The following CAP2 variants were observed in gnomAD, a reference collection of about 807,000 sequenced individuals.
CAP2 encodes cyclase associated actin cytoskeleton regulatory protein 2, also known as adenylyl cyclase-associated protein 2.
CAP2 carries 24 observed loss-of-function variants against 57.7 expected under a neutral mutation model. The ratio of observed to expected loss-of-function variants is 0.42; its 90% CI spans 0.30 to 0.58. CAP2 has a LOEUF of 0.58. Ranked by LOEUF, CAP2 falls within the 20% of genes least tolerant of loss-of-function variation. The pLI is 0.22. For missense variants in CAP2, 501 were observed against 590.3 expected (o/e 0.85, Z 1.57); for synonymous variants, 194 against 207.2 (o/e 0.94, Z 0.55).
rs1762251257 is a variant in CAP2, at chr6:17,515,312, A to G, written c.636+1358A>G. On this transcript the variant is annotated intron_variant, in intron 7 of 12. Coordinates refer to ENST00000229922, the MANE Select transcript of CAP2 (RefSeq NM_006366.3). ...ACAAAATCATGTCCTTTGCAGCAAC[A>G]TGGAAGCTGCTAGAGACCACTATCC... Among the ~76,000 whole-genome samples the G allele has an allele frequency of 2.0e-5, 3 of 152,208 alleles. 1 individual carries two copies. Among genetic ancestry groups the G allele is most frequent in the South Asian group, 4.1e-4 (2 of 4,836 alleles).
intron 4 of CAP2, among the ~76,000 whole-genome samples, chr6:17,466,617 T>C (rs181836037): frequency 6.6e-6 from 1 of 152,342 alleles, no homozygotes; most frequent in African/African-American, 2.4e-5. Flanking sequence ...TCTGATTCAG[T>C]TGGTCTCAAG....
intron 11 of CAP2, among the ~76,000 whole-genome samples, chr6:17,543,624 C>CAAAAAA (rs66747239): frequency 6.0e-5 from 5 of 83,912 alleles, no homozygotes; most frequent in South Asian, 8.2e-4. Flanking sequence ...GACTCCATCT[C>CAAAAAA]AAAAAAAAAA....
chr6:17,553,107 CTT>C (rs1455885797), intron 12 of CAP2, among the ~76,000 whole-genome samples: 2 of 152,176 alleles, frequency 1.3e-5, no homozygotes, highest in Non-Finnish European at 2.9e-5. Context: ...GAGCCCTGGC[CTT>C]TGCAGCTGTT....
intron 1 of CAP2, among the ~76,000 whole-genome samples, chr6:17,417,358 C>T (rs1302999166): frequency 2.0e-5 from 3 of 150,990 alleles, no homozygotes; most frequent in African/African-American, 4.9e-5. Flanking sequence ...TCACTGCAGC[C>T]TCGACCTCCC....
intron 7 of CAP2, among the ~76,000 whole-genome samples, chr6:17,535,025 A>T (rs1762739179): frequency 6.6e-6 from 1 of 152,124 alleles, no homozygotes; most frequent in Non-Finnish European, 1.5e-5. Flanking sequence ...ATCCAGGGTG[A>T]CTTAATTGTC....
intron 7 of CAP2, among the ~76,000 whole-genome samples, chr6:17,532,748 A>C (rs929353940): frequency 2.8e-5 from 4 of 143,584 alleles, no homozygotes; most frequent in Admixed American, 7.0e-5. Flanking sequence ...ACTAAAAAAA[A>C]AAACACACAC....
chr6:17,483,374 A>G (rs1217539970), intron 4 of CAP2, among the ~76,000 whole-genome samples: 1 of 151,982 alleles, frequency 6.6e-6, no homozygotes, highest in East Asian at 1.9e-4. Context: ...TTTTGTGGAC[A>G]GTCATATGAA....
At chr6:17,424,888 C>T (rs75021798) in intron 2 of CAP2, among the ~76,000 whole-genome samples, 2 of 152,222 alleles carry the variant, frequency 1.3e-5, no homozygotes, top group Admixed American at 6.5e-5. Context: ...GATCCCCGCT[C>T]GGGCCTCTTC....
At chr6:17,478,001 TAATATATATA>T (rs1761194079) in intron 4 of CAP2, among the ~76,000 whole-genome samples, 1 of 148,006 alleles carries the variant, frequency 6.8e-6, no homozygotes, top group African/African-American at 2.5e-5. Context: ...GAAATATATA[TAATATATATA>T]AATATATTAA....
At chr6:17,431,132 T>C (rs953206955) in intron 3 of CAP2, among the ~76,000 whole-genome samples, 3 of 151,836 alleles carry the variant, frequency 2.0e-5, no homozygotes, top group Non-Finnish European at 2.9e-5. Context: ...AAGGGGACAA[T>C]AGACAGTGGG....
At chr6:17,426,552 C>T in intron 2 of CAP2, 38 bp from the exon 3 acceptor site, 5 of 1,494,950 alleles carry the variant, frequency 3.3e-6, no homozygotes, top group Non-Finnish European at 4.7e-6. Flanking sequence ...GGTTTTCATT[C>T]AACGGCCAGG....
At chr6:17,487,269 A>C (rs913030044) in intron 4 of CAP2, among the ~76,000 whole-genome samples, 1 of 151,908 alleles carries the variant, frequency 6.6e-6, no homozygotes, top group Non-Finnish European at 1.5e-5. Flanking sequence ...AACACTCCCA[A>C]TTGGTATCTG....
At chr6:17,520,284 T>A (rs1366124227) in intron 7 of CAP2, among the ~76,000 whole-genome samples, 2 of 151,984 alleles carry the variant, frequency 1.3e-5, no homozygotes, top group East Asian at 1.9e-4. Context: ...ATTTTTATAT[T>A]TTTTTTGTAG....
In CAP2 at chr6:17,556,725, A is replaced by C; in HGVS notation, c.*283A>C. On this transcript the variant is annotated 3_prime_UTR_variant, in exon 13 of 13. Coordinates refer to ENST00000229922, the MANE Select transcript of CAP2 (RefSeq NM_006366.3). ...AAAAAAAGAATTCTGTTCCCCTCAT[A>C]TCATGAACACAGTAACTGATAGGTA... 8.0e-6 allele frequency: 3 copies of C among 374,092 alleles called. No homozygotes were observed. Among genetic ancestry groups the C allele is most frequent in the Admixed American group, 4.1e-5 (1 of 24,482 alleles). The allele number at this position is 374,092 out of a possible 1,614,324, so 23.2% of individuals were successfully genotyped here. A position where few individuals can be genotyped will look rare whatever the true frequency, so the allele number is the denominator to read the frequency against.
At chr6:17,423,595 C>T (rs1382567127) in intron 2 of CAP2, among the ~76,000 whole-genome samples, 2 of 151,572 alleles carry the variant, frequency 1.3e-5, no homozygotes, top group South Asian at 2.1e-4. Context: ...ATCTAACTAC[C>T]GGGAGACTAT....
chr6:17,484,100 A>C (rs1761362398), intron 4 of CAP2, among the ~76,000 whole-genome samples: 2 of 150,968 alleles, frequency 1.3e-5, no homozygotes, highest in African/African-American at 4.9e-5. Context: ...AAGACCACGG[A>C]CTCCCTTTTT....
intron 3 of CAP2, among the ~76,000 whole-genome samples, chr6:17,428,786 G>A (rs941230921): frequency 7.1e-6 from 1 of 139,896 alleles, no homozygotes; most frequent in Non-Finnish European, 1.6e-5. Context: ...AAAAAAAAAA[G>A]TTAAAAAAAG....
chr6:17,394,625 T>C (rs1758624654), intron 1 of CAP2, among the ~76,000 whole-genome samples: 1 of 152,226 alleles, frequency 6.6e-6, no homozygotes, highest in Non-Finnish European at 1.5e-5. Context: ...GTTATGGAAA[T>C]GCAGAAGCTT....
At chr6:17,429,238 A>G (rs559856945) in intron 3 of CAP2, among the ~76,000 whole-genome samples, 146 of 152,334 alleles carry the variant, frequency 9.6e-4, no homozygotes, top group Non-Finnish European at 1.5e-3. Context: ...ATTATCTGCA[A>G]TACACTGAAA....
Sources: allele counts gnomAD v4.1 joint callset (sites outside exome capture counted in the v4.1 genomes callset), GRCh38; gene constraint gnomAD v4.1.1; transcripts MANE v1.5; gene names NCBI Gene and HGNC (gene_info 2026-07-23, HGNC 2026-07-21).